Variants in CDYL2 observed in about 807,000 individuals in gnomAD.
The protein encoded by CDYL2 is chromodomain Y-like protein 2.
A neutral mutation model predicts 49.4 loss-of-function variants in CDYL2; 23 were observed. The observed-to-expected ratio is 0.47, with a 90% CI of 0.34 to 0.66. The LOEUF (loss-of-function observed/expected upper bound fraction) is 0.66, where lower values mean the gene tolerates loss of function less well. Among genes scored for constraint, CDYL2 ranks in the 30% least tolerant of loss-of-function variants. CDYL2 has a pLI of 0.01. For synonymous variants in CDYL2, 360 were observed against 268.8 expected (o/e 1.34, Z -3.32); for missense variants, 678 against 656.4 (o/e 1.03, Z -0.36).
At chr16:80,654,992 A>G (rs1171194092) in intron 2 of CDYL2, among the ~76,000 whole-genome samples, 1 of 152,180 alleles carries the variant, frequency 6.6e-6, no homozygotes, top group Non-Finnish European at 1.5e-5. Flanking sequence ...TGGTTTCTGC[A>G]GCGGCCCAGG....
chr16:80,727,454 C>T (rs375002537), intron 1 of CDYL2, among the ~76,000 whole-genome samples: 5 of 152,214 alleles, frequency 3.3e-5, no homozygotes, highest in East Asian at 3.9e-4. Flanking sequence ...CCTACGCCCA[C>T]GGAGTCTCGC....
At chr16:80,641,390 G>GA (rs1908078968) in intron 2 of CDYL2, among the ~76,000 whole-genome samples, 1 of 152,084 alleles carries the variant, frequency 6.6e-6, no homozygotes, top group South Asian at 2.1e-4. Flanking sequence ...TATATCTGGT[G>GA]AAAATCTCCT....
chr16:80,783,691 G>C (rs1018588196), intron 1 of CDYL2, among the ~76,000 whole-genome samples: 18 of 152,312 alleles, frequency 1.2e-4, no homozygotes, highest in Admixed American at 3.3e-4. Context: ...GATTTAATGA[G>C]TCAGATTACA....
chr16:80,746,336 T>C (rs117964297), intron 1 of CDYL2, among the ~76,000 whole-genome samples: 3 of 152,220 alleles, frequency 2.0e-5, no homozygotes, highest in Non-Finnish European at 4.4e-5. Context: ...CCAAGCGCTA[T>C]GAATTCAGTA....
chr16:80,704,601 G>A (rs1904340824), intron 1 of CDYL2, among the ~76,000 whole-genome samples: 1 of 152,222 alleles, frequency 6.6e-6, no homozygotes, highest in African/African-American at 2.4e-5. Context: ...CCTGGTCTTG[G>A]CAGTCAGGGA....
At chr16:80,785,312 C>T (rs1907398631) in intron 1 of CDYL2, among the ~76,000 whole-genome samples, 1 of 152,126 alleles carries the variant, frequency 6.6e-6, no homozygotes, top group South Asian at 2.1e-4. Flanking sequence ...TATTTCTACA[C>T]ACCAATAACA....
chr16:80,780,941 C>A (rs1446941448), intron 1 of CDYL2, among the ~76,000 whole-genome samples: 1 of 152,096 alleles, frequency 6.6e-6, no homozygotes, highest in Non-Finnish European at 1.5e-5. Context: ...AAAAATGGCT[C>A]AATCTCAGTA....
At chr16:80,797,518 G>C (rs1907800707) in intron 1 of CDYL2, among the ~76,000 whole-genome samples, 1 of 152,150 alleles carries the variant, frequency 6.6e-6, no homozygotes, top group South Asian at 2.1e-4. Context: ...CCAGACAGCT[G>C]TTTATGGAGA....
intron 2 of CDYL2, among the ~76,000 whole-genome samples, chr16:80,673,471 G>A (rs1232482901): frequency 6.6e-6 from 1 of 152,088 alleles, no homozygotes; most frequent in African/African-American, 2.4e-5. Context: ...TACTTGATGT[G>A]GCTTTTGCTA....
rs1392509818 is a variant in CDYL2, at chr16:80,602,810, G to C, written c.*1578C>G. 2 of 152,230 alleles carry C rather than the reference G, an allele frequency of 1.3e-5. No homozygotes were observed. The highest frequency in any genetic ancestry group is 1.3e-4 in the Admixed American group (2 of 15,284). 9.4% of individuals were successfully genotyped at this position (152,230 alleles called of 1,614,324 possible). A position where few individuals can be genotyped will look rare whatever the true frequency, so the allele number is the denominator to read the frequency against. ...AAACGGAAAAAAATCCCTCCATCCT[G>C]AGAATCTGAGAATCTAGCTTTTTCT... is the stretch of plus-strand genomic sequence containing the variant. On this transcript the variant is annotated 3_prime_UTR_variant, in exon 7 of 7. Coordinates refer to ENST00000570137, the MANE Select transcript of CDYL2 (RefSeq NM_152342.4).
intron 1 of CDYL2, among the ~76,000 whole-genome samples, chr16:80,748,506 TAA>T (rs538432449): frequency 0.022 from 421 of 19,024 alleles, 4 homozygotes; most frequent in African/African-American, 0.033. Context: ...AAAACTCCAT[TAA>T]AAAAAAAAAA....
chr16:80,641,739 G>A (rs1463073237), intron 2 of CDYL2, among the ~76,000 whole-genome samples: 5 of 115,146 alleles, frequency 4.3e-5, no homozygotes, highest in Non-Finnish European at 5.0e-5. Flanking sequence ...ACACTCTGGG[G>A]ACTGTTGTGG....
rs370746070 is a variant in CDYL2 at position 80,620,890 on chromosome 16, C to T, written c.880G>A (p.Asp294Asn). 3.7e-6 allele frequency: 6 copies of T among 1,610,762 alleles called. No homozygotes were observed. Among genetic ancestry groups the T allele is most frequent in the East Asian group, 2.2e-5 (1 of 44,744 alleles). Residue 294 changes from aspartate to asparagine, a missense_variant, in exon 4 of 7, where the codon GAC (aspartate) becomes AAC (asparagine). This residue lies in a region of CDYL2 where 478 missense variants were observed against 427.0 expected (regional missense o/e 1.12). Coordinates refer to ENST00000570137, the MANE Select transcript of CDYL2 (RefSeq NM_152342.4). ...RRALCNAATD[D>N]SKLLLLSAVG... is the part of the protein sequence containing the mutation. The stretch of plus-strand genomic sequence containing the variant: ...GCGCTGAGGAGCAGCAGTTTGCTGT[C>T]GTCTGTGGCTGCGTTGCAGAGCGCT...
At chr16:80,749,932 G>T (rs953987340) in intron 1 of CDYL2, among the ~76,000 whole-genome samples, 1 of 152,122 alleles carries the variant, frequency 6.6e-6, no homozygotes, top group African/African-American at 2.4e-5. Context: ...CATGTCCTTT[G>T]TAGGGACATG....
chr16:80,744,639 T>A (rs972302998), intron 1 of CDYL2, among the ~76,000 whole-genome samples: 5 of 152,202 alleles, frequency 3.3e-5, no homozygotes, highest in African/African-American at 1.2e-4. Flanking sequence ...TTAAGCAACT[T>A]GCCCATGTGA....
At chr16:80,782,950 A>T (rs890267919) in intron 1 of CDYL2, among the ~76,000 whole-genome samples, 12 of 152,170 alleles carry the variant, frequency 7.9e-5, no homozygotes, top group Non-Finnish European at 8.8e-5. Context: ...GACAATGATG[A>T]CCATTTTCTC....
chr16:80,791,572 C>G (rs1234381217), intron 1 of CDYL2, among the ~76,000 whole-genome samples: 1 of 152,086 alleles, frequency 6.6e-6, no homozygotes, highest in Non-Finnish European at 1.5e-5. Flanking sequence ...GGAAGCTTGC[C>G]AAGAATAACA....
chr16:80,725,706 G>GA (rs1905142236), intron 1 of CDYL2, among the ~76,000 whole-genome samples: 1 of 152,158 alleles, frequency 6.6e-6, no homozygotes, highest in Non-Finnish European at 1.5e-5. Flanking sequence ...GGACTGAACT[G>GA]AAAAAACACT....
At chr16:80,725,678 C>T (rs1402985662) in intron 1 of CDYL2, among the ~76,000 whole-genome samples, 1 of 152,204 alleles carries the variant, frequency 6.6e-6, no homozygotes, top group Non-Finnish European at 1.5e-5. Context: ...GTACGACTGA[C>T]CTGAGAAACC....
Sources: gnomAD v4.1 joint callset for allele counts (sites outside exome capture counted in the v4.1 genomes callset) on GRCh38, gnomAD v4.1.1 for gene constraint, gnomAD v4.1.1 regional missense constraint, MANE v1.5 for transcripts, NCBI Gene and HGNC (gene_info 2026-07-23, HGNC 2026-07-21) for gene names.